Variants in HRH2 observed in about 807,000 individuals in gnomAD.
HRH2 encodes histamine H2 receptor.
In HRH2, 4 loss-of-function variants were observed where a neutral mutation model predicts 20.1. That is an observed-to-expected ratio of 0.20 (90% CI 0.10 to 0.45). The LOEUF (loss-of-function observed/expected upper bound fraction) is 0.45. Among genes scored for constraint, HRH2 ranks in the 20% least tolerant of loss-of-function variants. The pLI, the probability that HRH2 is intolerant of heterozygous loss-of-function variation, is 0.99. For missense variants in HRH2, 250 were observed against 461.6 expected, an observed-to-expected ratio of 0.54 and a Z score of 4.20; for synonymous variants, 197 against 200.7, an observed-to-expected ratio of 0.98 and a Z score of 0.16.
intron 2 of HRH2, among the ~76,000 whole-genome samples, chr5:175,705,787 C>T (rs1756927528): frequency 6.6e-6 from 1 of 152,068 alleles, no homozygotes; most frequent in Non-Finnish European, 1.5e-5. Flanking sequence ...TTCAGCCTCC[C>T]AAGTAGCTGG....
chr5:175,690,530 CCTGT>C (rs775981281), intron 2 of HRH2, among the ~76,000 whole-genome samples: 2 of 150,844 alleles, frequency 1.3e-5, no homozygotes, highest in East Asian at 1.9e-4. Flanking sequence ...TTTTCTTGTT[CCTGT>C]CTGTCTGCCT....
chr5:175,659,286 A>G (rs1211828696), intron 1 of HRH2, among the ~76,000 whole-genome samples: 1 of 152,158 alleles, frequency 6.6e-6, no homozygotes, highest in Non-Finnish European at 1.5e-5. Context: ...TTATTTATAA[A>G]AGGAAGTTAA....
In HRH2 at chr5:175,683,666, A is replaced by G; in HGVS notation, c.433A>G (p.Ile145Val). The change falls in exon 2 of 3, where the codon ATC (isoleucine) becomes GTC (valine). Residue 145 changes from isoleucine (I) to valine (V), a missense_variant. Physicochemically the swap from Ile to Val is conservative, Grantham distance 29 (BLOSUM62 3). This residue lies in a region of HRH2 where 86 missense variants were observed against 176.4 expected (regional missense o/e 0.49). Transcript: ENST00000636584. ...CATCTCTCTGGTCTTAATTTGGGTC[A>G]TCTCCATTACCCTGTCCTTTCTGTC... is the stretch of plus-strand genomic sequence containing the variant. Reference protein sequence around the residue: ...VAISLVLIWVISITLSFLSIH... With the variant: ...VAISLVLIWVVSITLSFLSIH... 3 of 1,614,200 alleles carry G rather than the reference A, an allele frequency of 1.9e-6. No homozygotes were observed. The highest frequency in any genetic ancestry group is 2.5e-6 in the Non-Finnish European group (3 of 1,180,034).
chr5:175,708,153 A>C lies in HRH2; in HGVS notation c.*182A>C. The C allele has an allele frequency of 2.5e-6, 1 of 393,398 alleles. No individual in the cohort carries two copies. The highest frequency in any genetic ancestry group is 4.5e-6 in the Non-Finnish European group (1 of 223,220). 24.4% of individuals were successfully genotyped at this position (393,398 alleles called of 1,614,324 possible). On this transcript the variant is annotated 3_prime_UTR_variant, in exon 3 of 3. Transcript: ENST00000636584. ...GGGCGGAACAGCCTATTCTGTGCTC[A>C]GCATTCCCAGACAGGCACGCAAGAC... is the stretch of plus-strand genomic sequence containing the variant.
intron 2 of HRH2, among the ~76,000 whole-genome samples, chr5:175,706,039 A>G (rs1203976654): frequency 1.3e-5 from 2 of 152,218 alleles, no homozygotes; most frequent in East Asian, 1.9e-4. Flanking sequence ...CAACAATATA[A>G]TGTTAAACAA....
intron 1 of HRH2, among the ~76,000 whole-genome samples, chr5:175,674,547 G>T (rs900951395): frequency 3.3e-5 from 5 of 152,042 alleles, no homozygotes; most frequent in Non-Finnish European, 7.4e-5. Context: ...CGTCTCGGGG[G>T]TAGTGAGACT....
chr5:175,677,064 A>G lies in HRH2; in HGVS notation c.-525-5645A>G, dbSNP rs1197274933. On this transcript the variant is annotated intron_variant, in intron 1 of 2. Transcript: ENST00000636584. The surrounding 1 kb of genome is among the most constrained non-coding windows in gnomAD (Gnocchi z 4.2). ...GGCTGGAGTGCAGTGGCATGATCTC[A>G]GTTCACTGCAGCCTTGAACCCCTGG... 6.6e-6 allele frequency among the ~76,000 whole-genome samples: 1 copy of G among 151,720 alleles called. No homozygotes were observed. Among genetic ancestry groups the G allele is most frequent in the Non-Finnish European group, 1.5e-5 (1 of 67,964 alleles).
chr5:175,698,286 GC>G (rs1475625818), intron 2 of HRH2, among the ~76,000 whole-genome samples: 7 of 152,172 alleles, frequency 4.6e-5, no homozygotes, highest in African/African-American at 1.7e-4. Context: ...ATCCGTCTGT[GC>G]CGTTTCGCCT....
rs956711724 is a variant in HRH2, at chr5:175,693,186, G to C, written c.1076+8877G>C. On this transcript the variant is annotated intron_variant, in intron 2 of 2. Transcript: ENST00000636584. This position sits in a 1 kb window ranked among gnomAD's most constrained non-coding sequence, Gnocchi z 4.4. ...CCTGAAGCAGCAGTGGTGAGTCACA[G>C]GGCTCCCTGTTTTGGGGGCTTCATT... Among the ~76,000 whole-genome samples, 1 of 152,234 alleles carries C rather than the reference G, an allele frequency of 6.6e-6. No individual in the cohort carries two copies. Among genetic ancestry groups the C allele is most frequent in the Non-Finnish European group, 1.5e-5 (1 of 68,046 alleles).
chr5:175,662,584 C>G (rs548218707), intron 1 of HRH2, among the ~76,000 whole-genome samples: 2 of 152,294 alleles, frequency 1.3e-5, no homozygotes, highest in South Asian at 4.2e-4. Context: ...CTATTGGCCA[C>G]CTGGCCTCCC....
At chr5:175,673,718 T>TG (rs987684250) in intron 1 of HRH2, among the ~76,000 whole-genome samples, 12 of 151,156 alleles carry the variant, frequency 7.9e-5, no homozygotes, top group African/African-American at 2.4e-4. Context: ...TGTTTTTTTT[T>TG]TTTTTGACGG....
intron 1 of HRH2, among the ~76,000 whole-genome samples, chr5:175,671,116 G>C (rs1755521922): frequency 6.6e-6 from 1 of 152,196 alleles, no homozygotes; most frequent in Admixed American, 6.5e-5. Context: ...GCAGTGCTTT[G>C]GGGAACTGGA....
chr5:175,682,941 C>A lies in HRH2; in HGVS notation c.-293C>A. ...AGCTCTTCAGGGGACCGTCTGAGGA[C>A]TGGAGTTTGATCCATGAACCTGGCT... On this transcript the variant is annotated 5_prime_UTR_variant, in exon 2 of 3. It adds an upstream start codon to the 5' untranslated region. Transcript: ENST00000636584. 2.7e-6 allele frequency: 1 copy of A among 371,142 alleles called. No homozygotes were observed. The highest frequency in any genetic ancestry group is 4.8e-6 in the Non-Finnish European group (1 of 206,654). 23.0% of individuals were successfully genotyped at this position (371,142 alleles called of 1,614,324 possible).
At position 175,686,624 on chromosome 5, in the gene HRH2, G is replaced by A. The variant is rs1756181746; in HGVS notation, c.1076+2315G>A. ...TGCCAAGGATTGAAGCCCAGATGGGGCTGGCGCATGGGCCCGGGAGCCCAT... is the reference window on the plus strand; with the variant it reads ...TGCCAAGGATTGAAGCCCAGATGGGACTGGCGCATGGGCCCGGGAGCCCAT... On this transcript the variant is annotated intron_variant, in intron 2 of 2. Coordinates refer to ENST00000636584, the MANE Select transcript of HRH2 (RefSeq NM_001367711.1). This position sits in a 1 kb window ranked among gnomAD's most constrained non-coding sequence, Gnocchi z 4.7. Among the ~76,000 whole-genome samples, 1 of 152,222 alleles carries A rather than the reference G, an allele frequency of 6.6e-6. No individual in the cohort carries two copies. The highest frequency in any genetic ancestry group is 2.4e-5 in the African/African-American group (1 of 41,464).
At chr5:175,696,095 G>C (rs1042687908) in intron 2 of HRH2, among the ~76,000 whole-genome samples, 1 of 152,258 alleles carries the variant, frequency 6.6e-6, no homozygotes, top group Non-Finnish European at 1.5e-5. Flanking sequence ...ACAGGGCTGG[G>C]ATGTAATGAG....
intron 2 of HRH2, among the ~76,000 whole-genome samples, chr5:175,700,121 C>T (rs1756750263): frequency 1.3e-5 from 2 of 152,164 alleles, no homozygotes; most frequent in Admixed American, 6.5e-5. Flanking sequence ...AATCTCACAC[C>T]TCCTCCTATT....
Position 175,683,703 on chromosome 5 carries a change from G to T in HRH2, c.470G>T (p.Gly157Val). The T allele has an allele frequency of 6.2e-7, 1 of 1,614,098 alleles. No homozygotes were observed. Among genetic ancestry groups the T allele is most frequent in the South Asian group, 1.1e-5 (1 of 91,070 alleles). ...CTGTCCTTTCTGTCTATCCACCTGGGGTGGAACAGCAGGAACGAGACCAGC... is the reference window on the plus strand; with the variant it reads ...CTGTCCTTTCTGTCTATCCACCTGGTGTGGAACAGCAGGAACGAGACCAGC... ...ITLSFLSIHL[G>V]WNSRNETSKG... The change falls in exon 2 of 3, where the codon GGG becomes GTG. Residue 157 changes from glycine (G) to valine (V), a missense_variant. This residue lies in a region of HRH2 where 27 missense variants were observed against 28.6 expected (regional missense o/e 0.94). Transcript: ENST00000636584.
chr5:175,664,524 A>T (rs907982824), intron 1 of HRH2, among the ~76,000 whole-genome samples: 1 of 152,158 alleles, frequency 6.6e-6, no homozygotes, highest in Non-Finnish European at 1.5e-5. Context: ...ATTCAGGATG[A>T]TTAGGCTTGA....
At chr5:175,663,311 C>T (rs1762791803) in intron 1 of HRH2, among the ~76,000 whole-genome samples, 1 of 152,180 alleles carries the variant, frequency 6.6e-6, no homozygotes, top group Admixed American at 6.5e-5. Flanking sequence ...AGGTCCCAGT[C>T]CTTTCCAAAG....
Sources: allele counts gnomAD v4.1 joint callset (sites outside exome capture counted in the v4.1 genomes callset), GRCh38; gene constraint gnomAD v4.1.1; regional missense constraint gnomAD v4.1.1; non-coding constraint Gnocchi (gnomAD v3.1); transcripts MANE v1.5; gene names NCBI Gene and HGNC (gene_info 2026-07-23, HGNC 2026-07-21).